Variants in MYLK observed in about 807,000 individuals in gnomAD.
MYLK encodes the protein myosin light chain kinase.
A neutral mutation model predicts 203.4 loss-of-function variants in MYLK; 106 were observed. The observed-to-expected ratio is 0.52, with a 90% CI of 0.45 to 0.61. The LOEUF is 0.61. Ranked by LOEUF, MYLK falls within the 20% of genes least tolerant of loss-of-function variation. MYLK has a pLI of 0.00. For missense variants in MYLK, 2,072 were observed against 2,442.3 expected, an observed-to-expected ratio of 0.85 and a Z score of 3.20; for synonymous variants, 867 against 959.5, an observed-to-expected ratio of 0.90 and a Z score of 1.78.
intron 4 of MYLK, among the ~76,000 whole-genome samples, chr3:123,771,903 G>T (rs2108988036): frequency 6.6e-6 from 1 of 152,276 alleles, no homozygotes; most frequent in Middle Eastern, 3.4e-3. Flanking sequence ...TTGAAGTGTG[G>T]TTTCTAATGA....
At chr3:123,660,870 T>G (rs2059539252) in intron 23 of MYLK, among the ~76,000 whole-genome samples, 1 of 152,238 alleles carries the variant, frequency 6.6e-6, no homozygotes, top group African/African-American at 2.4e-5. Flanking sequence ...TCCCTGAAGA[T>G]GCACAGGTAA....
intron 5 of MYLK, among the ~76,000 whole-genome samples, chr3:123,742,889 A>G (rs1231561018): frequency 6.6e-6 from 1 of 152,206 alleles, no homozygotes; most frequent in Non-Finnish European, 1.5e-5. Context: ...GTATGATAGG[A>G]TTCCGTTCAT....
intron 4 of MYLK, among the ~76,000 whole-genome samples, chr3:123,775,748 T>A (rs562024278): frequency 6.6e-6 from 1 of 152,308 alleles, no homozygotes; most frequent in African/African-American, 2.4e-5. Flanking sequence ...CATTCGACCC[T>A]GTGTGGCTGG....
chr3:123,633,844 C>T (rs1016584068), intron 29 of MYLK, among the ~76,000 whole-genome samples: 1 of 150,244 alleles, frequency 6.7e-6, no homozygotes, highest in African/African-American at 2.4e-5. Context: ...TGTGTGTGTG[C>T]GTGTATGTGT....
In MYLK at chr3:123,737,347, C is replaced by T. The variant is rs113733341; in HGVS notation, c.754+31G>A. 89 of 1,614,012 alleles carry T rather than the reference C, an allele frequency of 5.5e-5. No individual in the cohort carries two copies. In the African/African-American group the frequency reaches 7.1e-4, roughly 13 times the overall value. Reference sequence around the variant, plus strand: ...GGAGGGTGCGGCACCAGGCAGGGATCGTTCTGCACTAGCCGTCCACTGGTC... The same window carrying T: ...GGAGGGTGCGGCACCAGGCAGGGATTGTTCTGCACTAGCCGTCCACTGGTC... On this transcript the variant is annotated intron_variant, in intron 8 of 33. Transcript: ENST00000360304.
intron 1 of MYLK, among the ~76,000 whole-genome samples, chr3:123,882,051 G>A (rs2033580181): frequency 6.6e-6 from 1 of 152,236 alleles, no homozygotes; most frequent in African/African-American, 2.4e-5. Context: ...GGCCTAGTCT[G>A]CTCTGCATAT....
At chr3:123,772,190 C>T (rs2063905813) in intron 4 of MYLK, among the ~76,000 whole-genome samples, 1 of 152,036 alleles carries the variant, frequency 6.6e-6, no homozygotes. Context: ...ATACTTTGTC[C>T]TTGTATTAAA....
At chr3:123,647,159 G>T in intron 27 of MYLK, 65 bp downstream of exon 27, 3 of 1,465,090 alleles carry the variant, frequency 2.0e-6, no homozygotes, top group Non-Finnish European at 2.9e-6. Flanking sequence ...CTGGGGTAGG[G>T]CAGTAGGGGA....
Position 123,800,864 on chromosome 3 carries a change from C to T in MYLK, c.-3-7020G>A, listed in dbSNP as rs148792761. ...CAAACATTTTTGTCTCAGGGTGGGC[C>T]CCATTATGCTTCTAAAAATTATTGA... On this transcript the variant is annotated intron_variant, in intron 3 of 33. Transcript: ENST00000360304. Among the ~76,000 whole-genome samples, 271 of 152,132 alleles carry T rather than the reference C, an allele frequency of 1.8e-3. 1 individual carries two copies. The highest frequency in any genetic ancestry group is 6.4e-3 in the African/African-American group (264 of 41,500).
At chr3:123,817,915 G>A (rs2065801287) in intron 3 of MYLK, among the ~76,000 whole-genome samples, 2 of 152,140 alleles carry the variant, frequency 1.3e-5, no homozygotes, top group African/African-American at 4.8e-5. Context: ...GCATGGCAGG[G>A]GAAGGAGTTC....
rs1450169971 is a variant in MYLK, at chr3:123,740,014, G to C, written c.374-13C>G. 6.2e-7 allele frequency: 1 copy of C among 1,613,576 alleles called. No individual in the cohort carries two copies. Among genetic ancestry groups the C allele is most frequent in the African/African-American group, 1.3e-5 (1 of 74,934 alleles). On this transcript the variant is annotated splice_polypyrimidine_tract_variant and intron_variant, in intron 5 of 33. Transcript: ENST00000360304. ...TTCGCAAAACTTCCTGCAAGAAAAA[G>C]AGTTGATGAGTCAGGTCTGAGCCAC...
chr3:123,637,362 T>C (rs889648572), intron 29 of MYLK, among the ~76,000 whole-genome samples: 3 of 152,078 alleles, frequency 2.0e-5, no homozygotes, highest in Non-Finnish European at 4.4e-5. Context: ...GCATTCCAGG[T>C]CACCCAGACC....
In MYLK at chr3:123,856,706, A is replaced by C. The variant is rs558455014; in HGVS notation, c.-127+19853T>G. Among the ~76,000 whole-genome samples, 6 of 152,316 alleles carry C rather than the reference A, an allele frequency of 3.9e-5. No homozygotes were observed. In the South Asian group the frequency reaches 1.0e-3, roughly 26 times the overall value. On this transcript the variant is annotated intron_variant, in intron 2 of 33. Transcript: ENST00000360304. ...TTACACAGGCTGGACTTGAATTCAC[A>C]TATGACTCCCAAACCCAAATTGTTT...
At chr3:123,682,031 T>C (rs1040966463) in intron 20 of MYLK, 193 bp downstream of exon 20, 5 of 655,852 alleles carry the variant, frequency 7.6e-6, no homozygotes, top group African/African-American at 3.6e-5. Context: ...AGCACTGGGA[T>C]GGGGTGAGAA....
chr3:123,637,135 C>T (rs1390596309), intron 29 of MYLK, among the ~76,000 whole-genome samples: 1 of 152,232 alleles, frequency 6.6e-6, no homozygotes, highest in South Asian at 2.1e-4. Flanking sequence ...ACAGTAAAAA[C>T]ATTATTGAAT....
intron 2 of MYLK, among the ~76,000 whole-genome samples, chr3:123,850,473 T>C (rs1436644595): frequency 6.6e-6 from 1 of 152,250 alleles, no homozygotes; most frequent in Non-Finnish European, 1.5e-5. Context: ...GCGGTTTTGA[T>C]TTGCATTTCT....
Position 123,701,414 on chromosome 3 carries a change from G to A in MYLK, c.2462+24C>T, listed in dbSNP as rs371750444. 995 of 1,613,162 alleles carry A rather than the reference G, an allele frequency of 6.2e-4. 1 individual carries two copies. The highest frequency in any genetic ancestry group is 8.1e-4 in the Non-Finnish European group (951 of 1,179,358). On this transcript the variant is annotated intron_variant, in intron 17 of 33. Coordinates refer to ENST00000360304, the MANE Select transcript of MYLK (RefSeq NM_053025.4). ...GGTGGGGATGGGGGCATGGCCTGGA[G>A]GGGCAGCTCCTGGGGGCACTCACCG...
intron 3 of MYLK, among the ~76,000 whole-genome samples, chr3:123,829,282 C>A (rs953745621): frequency 6.6e-6 from 1 of 152,066 alleles, no homozygotes; most frequent in Non-Finnish European, 1.5e-5. Context: ...TGAATCCTGC[C>A]ATTTGCGGCA....
rs1273803739 is a variant in MYLK, at chr3:123,677,918, T to TATATATATATAC, written c.3652+4305_3652+4306insGTATATATATAT. On this transcript the variant is annotated intron_variant, in intron 20 of 33. Coordinates refer to ENST00000360304, the MANE Select transcript of MYLK (RefSeq NM_053025.4). Reference sequence around the variant, plus strand: ...ATATATATATATATATATATATATATACACACACACACACACAGAGTACAT... The same window carrying TATATATATATAC: ...ATATATATATATATATATATATATATATATATATATACACACACACACACACACAGAGTACAT... Among the ~76,000 whole-genome samples, 552 of 78,544 alleles carry TATATATATATAC rather than the reference T, an allele frequency of 7.0e-3. 5 individuals carry two copies. The highest frequency in any genetic ancestry group is 0.047 in the East Asian group (27 of 570). The allele number at this position is 78,544 out of a possible 152,430, so 51.5% of individuals were successfully genotyped here.
Sources: gnomAD v4.1 joint callset for allele counts (sites outside exome capture counted in the v4.1 genomes callset) on GRCh38, gnomAD v4.1.1 for gene constraint, MANE v1.5 for transcripts, NCBI Gene and HGNC (gene_info 2026-07-23, HGNC 2026-07-21) for gene names.